The following ZDHHC15 variants were observed in gnomAD, a reference collection of about 807,000 sequenced individuals.
The protein encoded by ZDHHC15 is palmitoyltransferase ZDHHC15.
Under a neutral mutation model 31.7 loss-of-function variants are expected in ZDHHC15, and 19 were observed. The ratio of observed to expected loss-of-function variants is 0.60; its 90% CI spans 0.42 to 0.88. The LOEUF (loss-of-function observed/expected upper bound fraction) is 0.88, where lower values mean the gene tolerates loss of function less well. ZDHHC15 is among the 40% of genes least tolerant of loss of function. The probability of loss-of-function intolerance (pLI) is 0.00; values close to 1 mark genes in which losing one functional copy is unlikely to be tolerated. For missense variants in ZDHHC15, 209 were observed against 251.2 expected, an observed-to-expected ratio of 0.83 and a Z score of 1.14; for synonymous variants, 103 against 90.0, an observed-to-expected ratio of 1.14 and a Z score of -0.82.
At chrX:75,511,791 G>A (rs1342457271) in intron 1 of ZDHHC15, among the ~76,000 whole-genome samples, 1 of 65,443 alleles carries the variant, frequency 1.5e-5, no homozygotes, top group Non-Finnish European at 2.8e-5. Context: ...ATTTTATGAG[G>A]CCAGCATCAT....
At chrX:75,410,094 G>T (rs1417500671) in intron 10 of ZDHHC15, among the ~76,000 whole-genome samples, 1 of 111,611 alleles carries the variant, frequency 9.0e-6, no homozygotes, top group Non-Finnish European at 1.9e-5. Flanking sequence ...AATCAAAATG[G>T]ATTGAAGACT....
chrX:75,463,003 T>C (rs1405800308), intron 3 of ZDHHC15, among the ~76,000 whole-genome samples: 1 of 110,466 alleles, frequency 9.1e-6, no homozygotes, highest in East Asian at 2.8e-4. Context: ...ATTAATCAAA[T>C]AGATAGACCA....
At chrX:75,516,218 G>T (rs2085353829) in intron 1 of ZDHHC15, among the ~76,000 whole-genome samples, 1 of 111,863 alleles carries the variant, frequency 8.9e-6, no homozygotes, top group African/African-American at 3.3e-5. Context: ...TTTCTTCACA[G>T]AATTGGAAAA....
chrX:75,382,273 G>A (rs1266560500), intron 10 of ZDHHC15, among the ~76,000 whole-genome samples: 5 of 112,059 alleles, frequency 4.5e-5, no homozygotes, highest in African/African-American at 6.5e-5. Context: ...AGAGACTTGC[G>A]TTATTTCAGG....
intron 1 of ZDHHC15, among the ~76,000 whole-genome samples, chrX:75,517,739 A>C (rs1163026086): frequency 9.1e-6 from 1 of 109,761 alleles, no homozygotes; most frequent in Non-Finnish European, 1.9e-5. Flanking sequence ...AAGTATAATA[A>C]TAATAAAATT....
Position 75,442,367 on chromosome X carries a change from G to C in ZDHHC15, c.379+8435C>G, listed in dbSNP as rs747906535. 3.4e-4 allele frequency among the ~76,000 whole-genome samples: 38 copies of C among 111,809 alleles called. 1 individual carries two copies. Among genetic ancestry groups the C allele is most frequent in the Middle Eastern group, 4.6e-3 (1 of 217 alleles). On this transcript the variant is annotated intron_variant, in intron 4 of 11. Coordinates refer to ENST00000373367, the MANE Select transcript of ZDHHC15 (RefSeq NM_144969.3). ...AGGAAAAGAGGAAGTCAAATTGTCCGTGTTTGCAGATGACATGATTGTATA... is the reference window on the plus strand; with the variant it reads ...AGGAAAAGAGGAAGTCAAATTGTCCCTGTTTGCAGATGACATGATTGTATA...
chrX:75,466,088 T>C (rs1439652561), intron 3 of ZDHHC15, among the ~76,000 whole-genome samples: 2 of 111,175 alleles, frequency 1.8e-5, no homozygotes, highest in African/African-American at 3.3e-5. Context: ...ACAAGGAACT[T>C]AAATTTCTAA....
At position 75,384,483 on chromosome X, in the gene ZDHHC15, T is replaced by C; in HGVS notation, c.968-5285A>G. 6.8e-6 allele frequency: 5 copies of C among 735,009 alleles called. No homozygotes were observed. The South Asian group carries it at 1.1e-4, about 16-fold the overall frequency. 60.6% of individuals were successfully genotyped at this position (735,009 alleles called of 1,213,427 possible). On this transcript the variant is annotated intron_variant, in intron 10 of 11. Transcript: ENST00000373367. ...ATATTGTAGACATCAAGGGAATGGG[T>C]ACTGTTCAAAAAGGAATGCCCCACA...
At chrX:75,485,936 C>T (rs1569355469) in intron 2 of ZDHHC15, among the ~76,000 whole-genome samples, 2 of 111,908 alleles carry the variant, frequency 1.8e-5, no homozygotes, top group Non-Finnish European at 3.8e-5. Flanking sequence ...AGACAGGAGA[C>T]AAAACTAATG....
intron 4 of ZDHHC15, among the ~76,000 whole-genome samples, chrX:75,446,845 T>A (rs2084040265): frequency 9.0e-6 from 1 of 110,677 alleles, no homozygotes. Flanking sequence ...GACTTAACCA[T>A]GTCCCCAAAG....
chrX:75,490,303 T>A (rs902974464), intron 2 of ZDHHC15, among the ~76,000 whole-genome samples: 2 of 110,947 alleles, frequency 1.8e-5, no homozygotes, highest in African/African-American at 6.6e-5. Context: ...TTCACCAAAG[T>A]TGAAATGAAG....
chrX:75,488,730 G>A (rs780221102), intron 2 of ZDHHC15, among the ~76,000 whole-genome samples: 1 of 112,109 alleles, frequency 8.9e-6, no homozygotes, highest in South Asian at 3.8e-4. Context: ...TCTCACTGGG[G>A]AGTGTCGGAA....
intron 3 of ZDHHC15, among the ~76,000 whole-genome samples, chrX:75,464,697 T>G (rs1269026279): frequency 1.8e-5 from 2 of 111,437 alleles, no homozygotes; most frequent in Non-Finnish European, 3.8e-5. Context: ...TAAACAGAAC[T>G]AAAGACAAAA....
intron 3 of ZDHHC15, among the ~76,000 whole-genome samples, chrX:75,462,984 G>GT (rs1276801018): frequency 9.1e-6 from 1 of 109,942 alleles, no homozygotes; most frequent in Non-Finnish European, 1.9e-5. Flanking sequence ...CAAATCCAGG[G>GT]TTTTTTAAAT....
chrX:75,384,484 A>G (rs1282107616), intron 10 of ZDHHC15: 3 of 723,165 alleles, frequency 4.1e-6, no homozygotes, highest in Non-Finnish European at 6.5e-6. Context: ...GGGAATGGGT[A>G]CTGTTCAAAA....
At chrX:75,434,093 G>T (rs2083818662) in intron 4 of ZDHHC15, among the ~76,000 whole-genome samples, 1 of 111,808 alleles carries the variant, frequency 8.9e-6, no homozygotes, top group South Asian at 3.8e-4. Context: ...CTGAAAATTA[G>T]TGATGTTGAG....
intron 4 of ZDHHC15, among the ~76,000 whole-genome samples, chrX:75,444,224 T>A (rs917672952): frequency 3.6e-5 from 4 of 110,014 alleles, no homozygotes; most frequent in South Asian, 4.0e-4. Context: ...AACCCAAATG[T>A]CCAACAATGA....
chrX:75,519,989 A>C (rs1299011034), intron 1 of ZDHHC15, among the ~76,000 whole-genome samples: 1 of 112,072 alleles, frequency 8.9e-6, no homozygotes, highest in African/African-American at 3.2e-5. Context: ...TGTATGTCAC[A>C]AAGTTTTTAC....
intron 10 of ZDHHC15, among the ~76,000 whole-genome samples, chrX:75,405,345 A>G (rs1325900150): frequency 9.0e-6 from 1 of 111,132 alleles, no homozygotes; most frequent in Non-Finnish European, 1.9e-5. Flanking sequence ...GTTTACCTAT[A>G]TAAGAAACCT....
Sources: gnomAD v4.1 joint callset for allele counts (sites outside exome capture counted in the v4.1 genomes callset) on GRCh38, gnomAD v4.1.1 for gene constraint, MANE v1.5 for transcripts, NCBI Gene and HGNC (gene_info 2026-07-23, HGNC 2026-07-21) for gene names.